Variants in FAM228B observed in about 807,000 individuals in gnomAD.
FAM228B encodes protein FAM228B.
In FAM228B, 38 loss-of-function variants were observed where a neutral mutation model predicts 42.6. The ratio of observed to expected loss-of-function variants is 0.89; its 90% confidence interval spans 0.69 to 1.17. The LOEUF is 1.17. Among genes scored for constraint, FAM228B ranks in the 50% most tolerant of loss-of-function variants. The pLI is 0.00. For missense variants in FAM228B, 344 were observed against 367.3 expected (o/e 0.94, Z 0.52); for synonymous variants, 109 against 122.3 (o/e 0.89, Z 0.72).
At chr2:24,165,270 T>C in intron 9 of FAM228B, 1 of 437,654 alleles carries the variant, frequency 2.3e-6, no homozygotes, top group Non-Finnish European at 4.8e-6. Context: ...ACTGGACTCC[T>C]CATGAGGCCA....
At chr2:24,158,186 T>C (rs1667198815) in intron 7 of FAM228B, among the ~76,000 whole-genome samples, 1 of 145,702 alleles carries the variant, frequency 6.9e-6, no homozygotes, top group Admixed American at 6.9e-5. Context: ...GGGCTTTCTC[T>C]CTGAACCTCC....
upstream of FAM228B, chr2:24,122,476 A>G: frequency 6.2e-7 from 1 of 1,614,212 alleles, no homozygotes; most frequent in Non-Finnish European, 8.5e-7. Context: ...TGAGGGCTGC[A>G]CTGTCCACAT....
intron 5 of FAM228B, among the ~76,000 whole-genome samples, chr2:24,142,127 C>A (rs1204148941): frequency 1.3e-5 from 2 of 152,208 alleles, no homozygotes; most frequent in African/African-American, 4.8e-5. Flanking sequence ...TTCCCAGACC[C>A]TGCTCCTGAG....
intron 3 of FAM228B, among the ~76,000 whole-genome samples, chr2:24,099,249 A>C (rs1665561082): frequency 1.3e-5 from 2 of 152,136 alleles, no homozygotes; most frequent in Admixed American, 1.3e-4. Context: ...CCTACGCAAC[A>C]TAGTGTTGGA....
chr2:24,081,838 G>A (rs1309673628), intron 2 of FAM228B, among the ~76,000 whole-genome samples: 1 of 151,718 alleles, frequency 6.6e-6, no homozygotes, highest in East Asian at 1.9e-4. Context: ...TGGGACTACA[G>A]GTGCCCACCA....
intron 2 of FAM228B, among the ~76,000 whole-genome samples, chr2:24,094,127 C>A (rs556072362): frequency 5.0e-4 from 75 of 149,580 alleles, no homozygotes; most frequent in African/African-American, 1.6e-3. Context: ...GCAGTGTTGA[C>A]CTCTTGGATT....
Position 24,084,256 on chromosome 2 carries a change from C to T in FAM228B, c.-210+3301C>T, listed in dbSNP as rs562956067. The T allele has an allele frequency of 1.2e-6, 2 of 1,614,040 alleles. No homozygotes were observed. Among genetic ancestry groups the T allele is most frequent in the South Asian group, 1.1e-5 (1 of 91,080 alleles). Reference sequence around the variant, plus strand: ...CAGGAGGACTTCACCCTCCCCCGGGCTCGGCTTGGCCACCTCCTTCACGTA... The same window carrying T: ...CAGGAGGACTTCACCCTCCCCCGGGTTCGGCTTGGCCACCTCCTTCACGTA... On this transcript the variant is annotated intron_variant, in intron 2 of 10. Coordinates refer to the FAM228B transcript ENST00000613899. This position sits in a 1 kb window ranked among gnomAD's most constrained non-coding sequence, Gnocchi z 8.4.
chr2:24,156,771 T>TCC (rs759903610), intron 7 of FAM228B, among the ~76,000 whole-genome samples: 4 of 132,694 alleles, frequency 3.0e-5, no homozygotes, highest in Admixed American at 1.5e-4. Flanking sequence ...TACATTTCTT[T>TCC]CCGCCCCCCC....
chr2:24,143,323 GGC>G (rs979433633), intron 5 of FAM228B, among the ~76,000 whole-genome samples: 67 of 147,796 alleles, frequency 4.5e-4, no homozygotes, highest in African/African-American at 1.7e-3. Flanking sequence ...TGGGACTACA[GGC>G]GCCCGCCACC....
intron 2 of FAM228B, chr2:24,083,286 T>A: frequency 4.2e-6 from 5 of 1,191,378 alleles, no homozygotes; most frequent in African/African-American, 3.1e-5. Flanking sequence ...TTTTTGTAAG[T>A]AAGGAGAAGA....
upstream of FAM228B, among the ~76,000 whole-genome samples, chr2:24,122,051 G>T (rs1666134631): frequency 6.6e-6 from 1 of 152,076 alleles, no homozygotes; most frequent in Non-Finnish European, 1.5e-5. Flanking sequence ...TCATGTCTGG[G>T]CTGGGCACGG....
chr2:24,126,852 C>T (rs955309987), intron 2 of FAM228B, among the ~76,000 whole-genome samples: 1 of 152,162 alleles, frequency 6.6e-6, no homozygotes, highest in African/African-American at 2.4e-5. Flanking sequence ...TCTCGATCTC[C>T]TGACTTCATG....
chr2:24,099,137 A>G (rs1193419254), intron 3 of FAM228B, among the ~76,000 whole-genome samples: 3 of 148,886 alleles, frequency 2.0e-5, no homozygotes. Context: ...GTATCTCAAA[A>G]TAATAAGAGC....
intron 2 of FAM228B, among the ~76,000 whole-genome samples, chr2:24,086,234 C>CAAAAAAAAAAAAA (rs57641176): frequency 7.8e-4 from 50 of 63,918 alleles, no homozygotes; most frequent in African/African-American, 2.9e-3. Context: ...GACTCCGTCT[C>CAAAAAAAAAAAAA]AAAAAAAAAA....
chr2:24,104,366 C>G (rs1665665609), intron 3 of FAM228B, among the ~76,000 whole-genome samples: 1 of 152,232 alleles, frequency 6.6e-6, no homozygotes, highest in South Asian at 2.1e-4. Context: ...GCCTTGGGCC[C>G]TGGGGCAGAC....
At chr2:24,088,023 G>A (rs1303372851) in intron 2 of FAM228B, among the ~76,000 whole-genome samples, 2 of 151,902 alleles carry the variant, frequency 1.3e-5, no homozygotes, top group Admixed American at 6.6e-5. Flanking sequence ...GATTACAGGC[G>A]TGAGCCACTG....
chr2:24,101,351 A>G (rs192465695), intron 3 of FAM228B, among the ~76,000 whole-genome samples: 7 of 152,196 alleles, frequency 4.6e-5, no homozygotes, highest in Admixed American at 3.3e-4. Context: ...GCTATATTTT[A>G]TGCTTTACTG....
intron 2 of FAM228B, among the ~76,000 whole-genome samples, chr2:24,088,703 T>C (rs1665317779): frequency 6.6e-6 from 1 of 152,256 alleles, no homozygotes; most frequent in African/African-American, 2.4e-5. Flanking sequence ...CTGAGTTTTA[T>C]GAAGGATTCT....
At chr2:24,127,724 A>G (rs761945714) in intron 2 of FAM228B, among the ~76,000 whole-genome samples, 13 of 151,330 alleles carry the variant, frequency 8.6e-5, no homozygotes, top group Admixed American at 6.6e-4. Context: ...GTGCAGTGGC[A>G]TGATCTCAGC....
Sources: allele counts gnomAD v4.1 joint callset (sites outside exome capture counted in the v4.1 genomes callset), GRCh38; gene constraint gnomAD v4.1.1; non-coding constraint Gnocchi (gnomAD v3.1); transcripts MANE v1.5; gene names NCBI Gene and HGNC (gene_info 2026-07-23, HGNC 2026-07-21).